Variants in LGSN observed in about 807,000 individuals in gnomAD.
The protein encoded by LGSN is lengsin.
Under a neutral mutation model 19.5 loss-of-function variants are expected in LGSN, and 21 were observed. The observed-to-expected ratio is 1.07, with a 90% CI of 0.76 to 1.55. The LOEUF (loss-of-function observed/expected upper bound fraction) is 1.55, where lower values mean the gene tolerates loss of function less well. Among genes scored for constraint, LGSN ranks in the 40% most tolerant of loss-of-function variants. The pLI, the probability that LGSN is intolerant of heterozygous loss-of-function variation, is 0.00. For missense variants in LGSN, 673 were observed against 608.5 expected (o/e 1.11, Z -1.12); for synonymous variants, 257 against 215.6 (o/e 1.19, Z -1.68).
Position 63,279,831 on chromosome 6 carries a change from T to C in LGSN, c.*190A>G. On this transcript the variant is annotated 3_prime_UTR_variant, in exon 4 of 4. Coordinates refer to ENST00000370657, the MANE Select transcript of LGSN (RefSeq NM_016571.3). ...CTTCACCACAACTTTGTTGTTTGTT[T>C]CTGTTATCAGAATCTTCTCAGCAGT... 1 of 519,768 alleles carries C rather than the reference T, an allele frequency of 1.9e-6. No individual in the cohort carries two copies. Among genetic ancestry groups the C allele is most frequent in the South Asian group, 2.7e-5 (1 of 37,442 alleles). 32.2% of individuals were successfully genotyped at this position (519,768 alleles called of 1,614,324 possible). A position where few individuals can be genotyped will look rare whatever the true frequency, so the allele number is the denominator to read the frequency against.
chr6:63,313,695 A>G (rs1768719827), intron 1 of LGSN, among the ~76,000 whole-genome samples: 1 of 151,816 alleles, frequency 6.6e-6, no homozygotes, highest in Admixed American at 6.6e-5. Context: ...AATTAGCTGG[A>G]CATGGTGGTG....
In LGSN at chr6:63,280,253, C is replaced by A; in HGVS notation, c.1298G>T (p.Ser433Ile). 6.2e-7 allele frequency: 1 copy of A among 1,614,218 alleles called. No individual in the cohort carries two copies. Among genetic ancestry groups the A allele is most frequent in the Non-Finnish European group, 8.5e-7 (1 of 1,180,038 alleles). Residue 433 changes from serine (S) to isoleucine (I), a missense_variant, in exon 4 of 4, where the codon AGC (serine) becomes ATC (isoleucine). Physicochemically the swap from Ser to Ile is moderately radical, Grantham distance 142. Transcript: ENST00000370657. ...TVAAGLDGLH[S>I]SNEVLAGPDE... ...TGGACCAGCCAAGACCTCATTACTG[C>A]TATGAAGTCCATCTAAGCCGGCAGC... is the stretch of plus-strand genomic sequence containing the variant.
At chr6:63,325,592 T>C in the LGSN span, among the ~76,000 whole-genome samples, 1 of 152,076 alleles carries the variant, frequency 6.6e-6, no homozygotes, top group Non-Finnish European at 1.5e-5. Context: ...GTAGAATCAG[T>C]AATAATGTGT....
chr6:63,311,743 C>T (rs964737044), intron 1 of LGSN, among the ~76,000 whole-genome samples: 6 of 152,186 alleles, frequency 3.9e-5, no homozygotes, highest in Non-Finnish European at 7.4e-5. Context: ...AATCCACGCA[C>T]AGTTTTTATA....
At chr6:63,498,662 G>T in the LGSN span, among the ~76,000 whole-genome samples, 1 of 152,100 alleles carries the variant, frequency 6.6e-6, no homozygotes, top group Non-Finnish European at 1.5e-5. Context: ...AACAAGGACA[G>T]GACAGTGAAG....
At chr6:63,329,634 G>A in the LGSN span, among the ~76,000 whole-genome samples, 1 of 152,152 alleles carries the variant, frequency 6.6e-6, no homozygotes, top group South Asian at 2.1e-4. Context: ...ATTTGGACTG[G>A]GCGGGCATTT....
At chr6:63,361,283 T>C in the LGSN span, among the ~76,000 whole-genome samples, 21 of 152,212 alleles carry the variant, frequency 1.4e-4, no homozygotes, top group Non-Finnish European at 2.1e-4. Context: ...GCAGTCCTCC[T>C]TGAGCTGCAG....
the LGSN span, among the ~76,000 whole-genome samples, chr6:63,438,145 G>T: frequency 6.6e-6 from 1 of 152,106 alleles, no homozygotes; most frequent in Non-Finnish European, 1.5e-5. Context: ...AGGTGCGGTG[G>T]CTCATGCCTG....
the LGSN span, among the ~76,000 whole-genome samples, chr6:63,565,700 C>T: frequency 1.3e-5 from 2 of 152,136 alleles, no homozygotes; most frequent in Non-Finnish European, 2.9e-5. Context: ...CCTTAAAAGG[C>T]TTGTTGTGAC....
At chr6:63,505,601 G>A in the LGSN span, among the ~76,000 whole-genome samples, 1 of 115,742 alleles carries the variant, frequency 8.6e-6, no homozygotes, top group Non-Finnish European at 1.8e-5. Context: ...AAGAAAGAAA[G>A]AAAGAAAGAA....
the LGSN span, among the ~76,000 whole-genome samples, chr6:63,422,764 G>C: frequency 2.6e-5 from 4 of 152,008 alleles, no homozygotes; most frequent in South Asian, 8.3e-4. Context: ...AATTGTTCAA[G>C]TAACCCCCAG....
At chr6:63,432,391 T>A in the LGSN span, among the ~76,000 whole-genome samples, 1 of 151,954 alleles carries the variant, frequency 6.6e-6, no homozygotes, top group South Asian at 2.1e-4. Context: ...GTGTCAGGTG[T>A]CAGAAATAAA....
the LGSN span, chr6:63,443,339 C>T: frequency 5.9e-5 from 9 of 153,752 alleles, no homozygotes; most frequent in South Asian, 8.1e-4. Flanking sequence ...CCTCCCTGCA[C>T]GCAAAGGGAG....
At chr6:63,432,170 AAAAG>A in the LGSN span, among the ~76,000 whole-genome samples, 2 of 96,442 alleles carry the variant, frequency 2.1e-5, no homozygotes, top group African/African-American at 4.9e-5. Context: ...AGAAAGAAAG[AAAAG>A]GAAAGAAAGA....
the LGSN span, among the ~76,000 whole-genome samples, chr6:63,418,392 C>G: frequency 6.6e-6 from 1 of 152,054 alleles, no homozygotes; most frequent in Admixed American, 6.6e-5. Flanking sequence ...GAAACCCCGT[C>G]TCTACTAAAA....
At chr6:63,394,132 T>C in the LGSN span, among the ~76,000 whole-genome samples, 1 of 152,222 alleles carries the variant, frequency 6.6e-6, no homozygotes, top group South Asian at 2.1e-4. Context: ...CTGGGCGTGG[T>C]GGGCGACTGT....
the LGSN span, among the ~76,000 whole-genome samples, chr6:63,561,762 C>T: frequency 6.6e-6 from 1 of 152,188 alleles, no homozygotes; most frequent in African/African-American, 2.4e-5. Flanking sequence ...ATTATATTCT[C>T]ACATTTGATG....
upstream of LGSN, among the ~76,000 whole-genome samples, chr6:63,324,530 A>G (rs1335409798): frequency 5.9e-5 from 9 of 152,192 alleles, no homozygotes; most frequent in African/African-American, 2.2e-4. Context: ...AAACAAGTCT[A>G]AACAAACTTT....
chr6:63,394,660 C>T, the LGSN span, among the ~76,000 whole-genome samples: 1 of 152,218 alleles, frequency 6.6e-6, no homozygotes, highest in African/African-American at 2.4e-5. Context: ...TTAATAAACT[C>T]GCTTTCACTT....
Sources: gnomAD v4.1 joint callset for allele counts (sites outside exome capture counted in the v4.1 genomes callset) on GRCh38, gnomAD v4.1.1 for gene constraint, MANE v1.5 for transcripts, NCBI Gene and HGNC (gene_info 2026-07-23, HGNC 2026-07-21) for gene names.